Variants in ASIC2 observed in about 807,000 individuals in gnomAD.
ASIC2 encodes acid sensing ion channel subunit 2.
Under a neutral mutation model 57.3 loss-of-function variants are expected in ASIC2, and 25 were observed. The observed-to-expected ratio is 0.44, with a 90% CI of 0.32 to 0.61. ASIC2 has a LOEUF of 0.61. Among genes scored for constraint, ASIC2 ranks in the 20% least tolerant of loss-of-function variants. The pLI is 0.06. For missense variants in ASIC2, 641 were observed against 738.1 expected (o/e 0.87, Z 1.52); for synonymous variants, 319 against 307.5 (o/e 1.04, Z -0.39).
At chr17:34,044,357 T>C (rs1381649427) in intron 1 of ASIC2, among the ~76,000 whole-genome samples, 1 of 152,106 alleles carries the variant, frequency 6.6e-6, no homozygotes, top group Non-Finnish European at 1.5e-5. Flanking sequence ...ATGATTCTAA[T>C]GAAGTAGGAA....
chr17:33,980,313 T>A (rs1186745560), intron 1 of ASIC2, among the ~76,000 whole-genome samples: 1 of 152,162 alleles, frequency 6.6e-6, no homozygotes, highest in Non-Finnish European at 1.5e-5. Context: ...AGAAGCCGGA[T>A]GAGGGCTGGC....
At chr17:33,451,657 A>G (rs1203553834) in intron 1 of ASIC2, among the ~76,000 whole-genome samples, 1 of 152,074 alleles carries the variant, frequency 6.6e-6, no homozygotes, top group Non-Finnish European at 1.5e-5. Context: ...CCTCTCTTTC[A>G]TCCACTTTTA....
At chr17:33,043,204 C>T (rs933311147) in intron 3 of ASIC2, among the ~76,000 whole-genome samples, 6 of 152,308 alleles carry the variant, frequency 3.9e-5, no homozygotes, top group East Asian at 1.9e-4. Flanking sequence ...GGATTACAGG[C>T]GTGAGCCACC....
At chr17:33,172,456 C>T (rs113295385) in intron 1 of ASIC2, among the ~76,000 whole-genome samples, 1,577 of 152,278 alleles carry the variant, frequency 0.01, 29 homozygotes, top group African/African-American at 0.036. Context: ...CAGTGGTGTT[C>T]GCTCTGCAAA....
rs147742378 is a variant in ASIC2, at chr17:33,732,545, C to T, written c.555+423433G>A. 7.8e-3 allele frequency among the ~76,000 whole-genome samples: 1,154 copies of T among 148,632 alleles called. 9 individuals carry two copies. Among genetic ancestry groups the T allele is most frequent in the Middle Eastern group, 0.017 (5 of 290 alleles). ...TTTAAGACGTAATCTTGCTCTATCG[C>T]TGGATTGCTGTGGTGCGATCCTGGC... On this transcript the variant is annotated intron_variant, in intron 1 of 9. Transcript: ENST00000359872.
rs1039762971 is a variant in ASIC2, at chr17:33,069,742, A to AT, written c.987+19120dup. 4.3e-4 allele frequency among the ~76,000 whole-genome samples: 65 copies of AT among 152,176 alleles called. 1 individual carries two copies. The highest frequency in any genetic ancestry group is 1.3e-3 in the Admixed American group (20 of 15,288). ...ATTTTTACCTTTATATTTAAAATAC[A>AT]TTTTTTCTGGGTAACCAGCATATAG... On this transcript the variant is annotated intron_variant, in intron 3 of 9. Transcript: ENST00000225823.
rs548207001 is a variant in ASIC2 at position 34,072,687 on chromosome 17, T to C, written c.555+83291A>G. ...TATTATTTTTACTTATTTATAAAAG[T>C]GCAATTATATTATAAAAACCATTGC... is the stretch of plus-strand genomic sequence containing the variant. On this transcript the variant is annotated intron_variant, in intron 1 of 9. Coordinates refer to the ASIC2 transcript ENST00000359872. 9.8e-5 allele frequency among the ~76,000 whole-genome samples: 15 copies of C among 152,368 alleles called. No individual in the cohort carries two copies. In the South Asian group the frequency reaches 2.1e-3, roughly 21 times the overall value.
At chr17:33,965,726 T>C (rs182009843) in intron 1 of ASIC2, among the ~76,000 whole-genome samples, 1 of 152,326 alleles carries the variant, frequency 6.6e-6, no homozygotes, top group Non-Finnish European at 1.5e-5. Flanking sequence ...CCTGGATCAA[T>C]TCCCAGGCAG....
At chr17:33,516,396 T>G (rs1347567078) in intron 1 of ASIC2, among the ~76,000 whole-genome samples, 18 of 94,118 alleles carry the variant, frequency 1.9e-4, no homozygotes, top group Non-Finnish European at 3.4e-4. Context: ...GTAAGTGTGT[T>G]TGTGAGTGTG....
intron 1 of ASIC2, chr17:33,936,348 C>CT (rs1916059095): frequency 6.6e-6 from 1 of 152,206 alleles, no homozygotes; most frequent in Non-Finnish European, 1.5e-5. Flanking sequence ...TTTTAGCTTC[C>CT]TTTTTTGGAC....
chr17:33,262,240 C>A (rs1034603636), intron 1 of ASIC2, among the ~76,000 whole-genome samples: 4 of 152,120 alleles, frequency 2.6e-5, no homozygotes, highest in East Asian at 1.9e-4. Context: ...CCCCTCCATA[C>A]CCCCAAGGAT....
intron 1 of ASIC2, among the ~76,000 whole-genome samples, chr17:33,903,981 T>C (rs1379863883): frequency 1.3e-5 from 2 of 151,904 alleles, no homozygotes; most frequent in African/African-American, 4.8e-5. Flanking sequence ...CTGACCAACA[T>C]GGAGAAACCC....
intron 3 of ASIC2, among the ~76,000 whole-genome samples, chr17:33,073,767 A>G (rs536559801): frequency 1.3e-5 from 2 of 152,360 alleles, no homozygotes; most frequent in African/African-American, 4.8e-5. Flanking sequence ...CCAATGGACA[A>G]ACTGGGCTAG....
intron 2 of ASIC2, among the ~76,000 whole-genome samples, chr17:33,103,696 C>T (rs1047492474): frequency 1.3e-5 from 2 of 152,006 alleles, no homozygotes; most frequent in African/African-American, 2.4e-5. Flanking sequence ...GGAAGGGATC[C>T]CCTCAAACTT....
rs1915207008 is a variant in ASIC2, at chr17:33,535,663, C to T, written c.556-423596G>A. ...CGCCTCCTGCCAATAGACATTAATC[C>T]CTTGACTGACTTCAGAAGCCATGTG... On this transcript the variant is annotated intron_variant, in intron 1 of 9. Transcript: ENST00000359872. Among the ~76,000 whole-genome samples the T allele has an allele frequency of 2.0e-5, 3 of 152,136 alleles. No homozygotes were observed. In the South Asian group the frequency reaches 6.2e-4, roughly 31 times the overall value.
intron 1 of ASIC2, among the ~76,000 whole-genome samples, chr17:34,060,711 G>A (rs1160624820): frequency 1.3e-5 from 2 of 152,118 alleles, no homozygotes; most frequent in Non-Finnish European, 2.9e-5. Context: ...GCTCTGGAAA[G>A]CCTCAACAAT....
rs35508314 is a variant in ASIC2 at position 33,929,607 on chromosome 17, T to C, written c.555+226371A>G. Among the ~76,000 whole-genome samples the C allele has an allele frequency of 4.6e-3, 704 of 152,306 alleles. 7 individuals are homozygous for C. Among genetic ancestry groups the C allele is most frequent in the African/African-American group, 0.016 (670 of 41,560 alleles). On this transcript the variant is annotated intron_variant, in intron 1 of 9. Coordinates refer to the ASIC2 transcript ENST00000359872. The stretch of plus-strand genomic sequence containing the variant: ...AGATCCCGCTGCAGGGTCAGCCCAG[T>C]ATTCTCTTCTGACAGCAGCCTCAGG...
chr17:33,325,128 C>A (rs1597683761), intron 1 of ASIC2, among the ~76,000 whole-genome samples: 2 of 152,106 alleles, frequency 1.3e-5, no homozygotes, highest in Non-Finnish European at 2.9e-5. Flanking sequence ...AAGAAACAAA[C>A]AAACAAACAA....
intron 1 of ASIC2, among the ~76,000 whole-genome samples, chr17:33,878,970 A>G (rs1914626530): frequency 6.6e-6 from 1 of 152,234 alleles, no homozygotes; most frequent in Admixed American, 6.5e-5. Context: ...CTTAAAGAAA[A>G]GAATTTTCAA....
Sources: gnomAD v4.1 joint callset for allele counts (sites outside exome capture counted in the v4.1 genomes callset) on GRCh38, gnomAD v4.1.1 for gene constraint, MANE v1.5 for transcripts, NCBI Gene and HGNC (gene_info 2026-07-23, HGNC 2026-07-21) for gene names.